CNTNAP2: variants seen among roughly 807,000 people sequenced by gnomAD.
CNTNAP2 encodes contactin associated protein 2, also known as contactin-associated protein-like 2.
A neutral mutation model predicts 155.2 loss-of-function variants in CNTNAP2; 98 were observed. The ratio of observed to expected loss-of-function variants is 0.63; its 90% CI spans 0.54 to 0.75. CNTNAP2 has a LOEUF of 0.75. CNTNAP2 is among the 30% of genes least tolerant of loss of function. The pLI, the probability that CNTNAP2 is intolerant of heterozygous loss-of-function variation, is 0.00. For synonymous variants in CNTNAP2, 651 were observed against 631.2 expected, an observed-to-expected ratio of 1.03 and a Z score of -0.47; for missense variants, 1,727 against 1,688.1, an observed-to-expected ratio of 1.02 and a Z score of -0.40.
intron 10 of CNTNAP2, among the ~76,000 whole-genome samples, chr7:147,464,397 G>A (rs947903746): frequency 6.6e-6 from 1 of 151,138 alleles, no homozygotes; most frequent in Admixed American, 6.6e-5. Context: ...AACCCGGGAG[G>A]TGGAGGTTAC....
intron 2 of CNTNAP2, among the ~76,000 whole-genome samples, chr7:146,817,013 A>C (rs1585104535): frequency 6.6e-6 from 1 of 152,276 alleles, no homozygotes; most frequent in East Asian, 1.9e-4. Context: ...CAAAATTGAG[A>C]GGGGAAAGGC....
At chr7:148,222,703 T>G (rs1300415765) in intron 19 of CNTNAP2, among the ~76,000 whole-genome samples, 1 of 152,184 alleles carries the variant, frequency 6.6e-6, no homozygotes, top group Non-Finnish European at 1.5e-5. Flanking sequence ...CACCATAGCA[T>G]AGGGATATTG....
intron 3 of CNTNAP2, among the ~76,000 whole-genome samples, chr7:146,948,347 G>C (rs986703964): frequency 5.4e-4 from 46 of 85,912 alleles, no homozygotes; most frequent in African/African-American, 1.8e-3. Flanking sequence ...TTAAGTTCAT[G>C]ATGTAAGATA....
chr7:147,690,928 T>A (rs1201140148), intron 13 of CNTNAP2, among the ~76,000 whole-genome samples: 1 of 152,132 alleles, frequency 6.6e-6, no homozygotes, highest in Non-Finnish European at 1.5e-5. Context: ...TGGTTAGTTA[T>A]ATTATTATTT....
intron 13 of CNTNAP2, among the ~76,000 whole-genome samples, chr7:147,654,538 C>T (rs1795496221): frequency 6.6e-6 from 1 of 152,170 alleles, no homozygotes. Flanking sequence ...CATCTTCAGA[C>T]TCCATTTCTA....
intron 1 of CNTNAP2, among the ~76,000 whole-genome samples, chr7:146,219,777 T>A (rs1417769828): frequency 2.6e-5 from 4 of 152,242 alleles, no homozygotes; most frequent in Non-Finnish European, 5.9e-5. Context: ...ATGTCAGAGC[T>A]GATGGCAGCA....
At chr7:147,516,947 T>C (rs1448704779) in intron 11 of CNTNAP2, among the ~76,000 whole-genome samples, 1 of 147,934 alleles carries the variant, frequency 6.8e-6, no homozygotes, top group Non-Finnish European at 1.5e-5. Context: ...CTGCGACCAC[T>C]GCCTCCCGGA....
intron 9 of CNTNAP2, among the ~76,000 whole-genome samples, chr7:147,331,732 TAAAG>T (rs1795573801): frequency 2.6e-5 from 4 of 152,126 alleles, no homozygotes; most frequent in African/African-American, 9.7e-5. Flanking sequence ...AAGGAGGATA[TAAAG>T]ACTCATCGAG....
chr7:147,634,872 C>T (rs1453748198), intron 12 of CNTNAP2, among the ~76,000 whole-genome samples: 1 of 152,162 alleles, frequency 6.6e-6, no homozygotes, highest in Non-Finnish European at 1.5e-5. Flanking sequence ...TCATGCTCGT[C>T]CCATGCCCAA....
At chr7:146,374,828 A>G (rs1795284096) in intron 1 of CNTNAP2, among the ~76,000 whole-genome samples, 1 of 152,206 alleles carries the variant, frequency 6.6e-6, no homozygotes, top group South Asian at 2.1e-4. Flanking sequence ...CAACAATTTT[A>G]TGATTTTGTA....
intron 3 of CNTNAP2, among the ~76,000 whole-genome samples, chr7:146,881,442 A>T (rs892591219): frequency 1.3e-5 from 2 of 152,062 alleles, no homozygotes; most frequent in East Asian, 1.9e-4. Context: ...TTACAAAATC[A>T]TCTTAAGGCC....
Position 148,051,179 on chromosome 7 carries a change from A to G in CNTNAP2, c.2384-66939A>G, listed in dbSNP as rs75856442. Reference sequence around the variant, plus strand: ...GCTACTACTTTTTTCTAATCAAACTACTATCAAATCTCCACCCACAGAGCA... The same window carrying G: ...GCTACTACTTTTTTCTAATCAAACTGCTATCAAATCTCCACCCACAGAGCA... On this transcript the variant is annotated intron_variant, in intron 15 of 23. Coordinates refer to ENST00000361727, the MANE Select transcript of CNTNAP2 (RefSeq NM_014141.6). 3.0e-3 allele frequency among the ~76,000 whole-genome samples: 454 copies of G among 152,334 alleles called. 1 individual carries two copies. Among genetic ancestry groups the G allele is most frequent in the African/African-American group, 0.01 (424 of 41,576 alleles).
chr7:147,991,067 TAACA>T (rs1801703681), intron 15 of CNTNAP2, among the ~76,000 whole-genome samples: 1 of 152,064 alleles, frequency 6.6e-6, no homozygotes, highest in Admixed American at 6.6e-5. Context: ...TCACTATGAA[TAACA>T]AACACTCCTA....
At chr7:147,032,328 T>C (rs893345746) in intron 3 of CNTNAP2, among the ~76,000 whole-genome samples, 10 of 152,344 alleles carry the variant, frequency 6.6e-5, no homozygotes, top group Admixed American at 4.6e-4. Flanking sequence ...TCTGTTTCAC[T>C]TTCCTTCTGT....
At chr7:147,726,782 T>C (rs1796651252) in intron 13 of CNTNAP2, among the ~76,000 whole-genome samples, 1 of 152,062 alleles carries the variant, frequency 6.6e-6, no homozygotes, top group Non-Finnish European at 1.5e-5. Flanking sequence ...CAAGTTCTAT[T>C]TAGAAATAAC....
rs144826071 is a variant in CNTNAP2, at chr7:147,083,781, T to C, written c.551-24366T>C. 9.2e-3 allele frequency among the ~76,000 whole-genome samples: 1,177 copies of C among 128,368 alleles called. 10 individuals carry two copies. Among genetic ancestry groups the C allele is most frequent in the Non-Finnish European group, 0.011 (650 of 59,218 alleles). 84.2% of individuals were successfully genotyped at this position (128,368 alleles called of 152,430 possible). On this transcript the variant is annotated intron_variant, in intron 4 of 23. Transcript: ENST00000361727. Reference sequence around the variant, plus strand: ...ATATATGTGTATACACATATATGTATATATTATATATACATATACACATGT... The same window carrying C: ...ATATATGTGTATACACATATATGTACATATTATATATACATATACACATGT...
intron 13 of CNTNAP2, among the ~76,000 whole-genome samples, chr7:147,653,568 T>C (rs940731093): frequency 1.3e-5 from 2 of 152,158 alleles, no homozygotes; most frequent in African/African-American, 2.4e-5. Flanking sequence ...AGTTCGATTT[T>C]GTAAGTAGGA....
At chr7:146,986,042 T>C (rs1012511586) in intron 3 of CNTNAP2, among the ~76,000 whole-genome samples, 3 of 152,172 alleles carry the variant, frequency 2.0e-5, no homozygotes, top group Admixed American at 6.5e-5. Context: ...AAACAGGTGG[T>C]ATTTGGTTAC....
chr7:146,850,074 TTTG>T (rs2129202915), intron 3 of CNTNAP2, among the ~76,000 whole-genome samples: 1 of 152,244 alleles, frequency 6.6e-6, no homozygotes, highest in Non-Finnish European at 1.5e-5. Flanking sequence ...GGCAAATAAA[TTTG>T]GTTTGCTTGA....
Sources: gnomAD v4.1 joint callset for allele counts (sites outside exome capture counted in the v4.1 genomes callset) on GRCh38, gnomAD v4.1.1 for gene constraint, MANE v1.5 for transcripts, NCBI Gene and HGNC (gene_info 2026-07-23, HGNC 2026-07-21) for gene names.